ARHGAP15: variants seen among roughly 807,000 people sequenced by gnomAD.
The protein encoded by ARHGAP15 is rho GTPase-activating protein 15.
In ARHGAP15, 51 loss-of-function variants were observed where a neutral mutation model predicts 63.7. The ratio of observed to expected loss-of-function variants is 0.80; its 90% CI spans 0.64 to 1.01. The LOEUF (loss-of-function observed/expected upper bound fraction) is 1.01, where lower values mean the gene tolerates loss of function less well. Ranked by LOEUF, ARHGAP15 falls within the 50% of genes least tolerant of loss-of-function variation. The probability of loss-of-function intolerance (pLI) is 0.00; values close to 1 mark genes in which losing one functional copy is unlikely to be tolerated. For synonymous variants in ARHGAP15, 191 were observed against 193.8 expected, an observed-to-expected ratio of 0.99 and a Z score of 0.12; for missense variants, 560 against 564.6, an observed-to-expected ratio of 0.99 and a Z score of 0.08.
chr2:143,372,418 T>A (rs1458434350), intron 6 of ARHGAP15, among the ~76,000 whole-genome samples: 2 of 150,760 alleles, frequency 1.3e-5, no homozygotes, highest in Non-Finnish European at 2.9e-5. Flanking sequence ...ATACCATAGC[T>A]TCTTAATCTA....
chr2:143,279,243 G>A (rs1299492155), intron 6 of ARHGAP15, among the ~76,000 whole-genome samples: 1 of 152,102 alleles, frequency 6.6e-6, no homozygotes, highest in Non-Finnish European at 1.5e-5. Flanking sequence ...CAGCTCAAGT[G>A]CCAATTTTGT....
chr2:143,321,554 C>T (rs1177036406), intron 6 of ARHGAP15, among the ~76,000 whole-genome samples: 3 of 152,236 alleles, frequency 2.0e-5, no homozygotes, highest in Non-Finnish European at 4.4e-5. Context: ...TTCCCTGAAC[C>T]AATAACTATG....
At chr2:143,519,526 G>GT in intron 10 of ARHGAP15, 162 bp downstream of exon 10, 1 of 487,152 alleles carries the variant, frequency 2.1e-6, no homozygotes, top group Non-Finnish European at 3.7e-6. Context: ...ACTTCAGTTT[G>GT]TTTTTACAAT....
chr2:143,299,154 A>C (rs1193509752), intron 6 of ARHGAP15, among the ~76,000 whole-genome samples: 1 of 151,932 alleles, frequency 6.6e-6, no homozygotes, highest in Non-Finnish European at 1.5e-5. Flanking sequence ...AGGTCTAAAA[A>C]ATAATGAAGG....
chr2:143,696,777 C>G (rs1261129926), intron 12 of ARHGAP15, among the ~76,000 whole-genome samples: 4 of 152,130 alleles, frequency 2.6e-5, no homozygotes, highest in African/African-American at 7.2e-5. Context: ...ACAAGGAAAT[C>G]TGGTGTAGAA....
intron 11 of ARHGAP15, among the ~76,000 whole-genome samples, chr2:143,605,775 A>C: frequency 6.7e-6 from 1 of 148,708 alleles, no homozygotes; most frequent in East Asian, 2.0e-4. Context: ...GCACTTTGGG[A>C]GGCAGAGGCA....
intron 12 of ARHGAP15, among the ~76,000 whole-genome samples, chr2:143,667,624 AGTTT>A (rs1428491852): frequency 6.6e-6 from 1 of 150,946 alleles, no homozygotes; most frequent in East Asian, 1.9e-4. Context: ...GCTCAAGGGA[AGTTT>A]GTTAATTTAA....
At chr2:143,460,764 T>C (rs1388858695) in intron 8 of ARHGAP15, among the ~76,000 whole-genome samples, 1 of 151,898 alleles carries the variant, frequency 6.6e-6, no homozygotes, top group African/African-American at 2.4e-5. Flanking sequence ...AAGAAGAAAA[T>C]GGGAAAATGA....
At chr2:143,734,992 G>A (rs887204861) in intron 13 of ARHGAP15, among the ~76,000 whole-genome samples, 4 of 152,090 alleles carry the variant, frequency 2.6e-5, no homozygotes, top group South Asian at 2.1e-4. Context: ...CTTTTATTTA[G>A]CAGATTAGCA....
chr2:143,218,016 A>G (rs1046490147), intron 4 of ARHGAP15, among the ~76,000 whole-genome samples: 63 of 152,190 alleles, frequency 4.1e-4, no homozygotes, highest in Non-Finnish European at 2.9e-5. Context: ...CAACCTTATA[A>G]CATACAGAAG....
intron 8 of ARHGAP15, among the ~76,000 whole-genome samples, chr2:143,442,063 G>A (rs1017623350): frequency 6.6e-6 from 1 of 152,000 alleles, no homozygotes; most frequent in East Asian, 1.9e-4. Flanking sequence ...AAAATGCTAC[G>A]GACTTTTAAC....
intron 6 of ARHGAP15, among the ~76,000 whole-genome samples, chr2:143,311,599 AG>A (rs1395094098): frequency 6.6e-6 from 1 of 152,054 alleles, no homozygotes; most frequent in Non-Finnish European, 1.5e-5. Context: ...GCAATATGGG[AG>A]AGTGTGGTTT....
At chr2:143,446,077 T>A (rs1690124685) in intron 8 of ARHGAP15, among the ~76,000 whole-genome samples, 1 of 151,024 alleles carries the variant, frequency 6.6e-6, no homozygotes, top group South Asian at 2.1e-4. Context: ...AACTCCAAGA[T>A]ATACAGCCAT....
intron 10 of ARHGAP15, among the ~76,000 whole-genome samples, chr2:143,538,416 G>A (rs1445083468): frequency 6.6e-6 from 1 of 152,168 alleles, no homozygotes; most frequent in African/African-American, 2.4e-5. Context: ...CCAACACTAT[G>A]TTGAATAGGA....
intron 6 of ARHGAP15, among the ~76,000 whole-genome samples, chr2:143,279,567 TTAAA>T (rs1342815020): frequency 6.6e-6 from 1 of 152,164 alleles, no homozygotes; most frequent in African/African-American, 2.4e-5. Context: ...ATAAATCTTG[TTAAA>T]TAGTTTATAT....
At chr2:143,234,694 A>G (rs1430683121) in intron 5 of ARHGAP15, among the ~76,000 whole-genome samples, 2 of 152,318 alleles carry the variant, frequency 1.3e-5, no homozygotes, top group South Asian at 2.1e-4. Context: ...AAAGGCCACA[A>G]GTTTAATATC....
intron 10 of ARHGAP15, among the ~76,000 whole-genome samples, chr2:143,551,564 TG>T (rs575384441): frequency 7.2e-4 from 109 of 152,302 alleles, no homozygotes; most frequent in Non-Finnish European, 1.2e-3. Context: ...TATTTTTTAT[TG>T]TTTTTTTAAC....
chr2:143,553,881 G>A (rs1438899099), intron 10 of ARHGAP15, among the ~76,000 whole-genome samples: 1 of 152,098 alleles, frequency 6.6e-6, no homozygotes, highest in East Asian at 1.9e-4. Flanking sequence ...ATTTGAAAAG[G>A]AAGAGTGCTA....
At chr2:143,317,552 C>T (rs1039478895) in intron 6 of ARHGAP15, among the ~76,000 whole-genome samples, 6 of 152,138 alleles carry the variant, frequency 3.9e-5, no homozygotes, top group African/African-American at 1.4e-4. Context: ...AAATAGCAAG[C>T]TTTAGGGCTG....
Sources: gnomAD v4.1 joint callset for allele counts (sites outside exome capture counted in the v4.1 genomes callset) on GRCh38, gnomAD v4.1.1 for gene constraint, MANE v1.5 for transcripts, NCBI Gene and HGNC (gene_info 2026-07-23, HGNC 2026-07-21) for gene names.